The following PHOSPHO2 variants were observed in gnomAD, a reference collection of about 807,000 sequenced individuals.
PHOSPHO2 encodes pyridoxal phosphate phosphatase PHOSPHO2.
PHOSPHO2 carries 14 observed loss-of-function variants against 16.4 expected under a neutral mutation model. The observed-to-expected ratio is 0.85, with a 90% CI of 0.56 to 1.33. The LOEUF (loss-of-function observed/expected upper bound fraction) is 1.33. Ranked by LOEUF, PHOSPHO2 falls within the 40% of genes most tolerant of loss-of-function variation. The probability of loss-of-function intolerance (pLI) is 0.00; values close to 1 mark genes in which losing one functional copy is unlikely to be tolerated. For missense variants in PHOSPHO2, 246 were observed against 282.5 expected (o/e 0.87, Z 0.93); for synonymous variants, 85 against 90.5 (o/e 0.94, Z 0.34).
Position 169,701,603 on chromosome 2 carries a change from T to C in PHOSPHO2, c.632T>C (p.Met211Thr), listed in dbSNP as rs1429680463. The change falls in exon 4 of 4, where the codon ATG (methionine) becomes ACG (threonine). Residue 211 changes from methionine (M) to threonine (T), a missense_variant. Coordinates refer to ENST00000359744, the MANE Select transcript of PHOSPHO2 (RefSeq NM_001008489.4). ...ACCTTACAGAAAACTCTTTCCAGAA[T>C]GTCTCAAAATCTTGAGCCTATGGAA... ...GYTLQKTLSRMSQNLEPMEYS... is the reference protein window; with the variant it reads ...GYTLQKTLSRTSQNLEPMEYS... 6.2e-7 allele frequency: 1 copy of C among 1,608,350 alleles called. No homozygotes were observed. Among genetic ancestry groups the C allele is most frequent in the Non-Finnish European group, 8.5e-7 (1 of 1,179,620 alleles).
intron 2 of PHOSPHO2, among the ~76,000 whole-genome samples, chr2:169,696,505 C>T (rs1687542462): frequency 6.6e-6 from 1 of 152,210 alleles, no homozygotes; most frequent in Non-Finnish European, 1.5e-5. Flanking sequence ...TTTGCTATCA[C>T]ATGCATATCT....
In PHOSPHO2 at chr2:169,697,467, A is replaced by T. The variant is rs924446405; in HGVS notation, c.-91A>T. 6.6e-5 allele frequency: 10 copies of T among 152,176 alleles called. No homozygotes were observed. Among genetic ancestry groups the T allele is most frequent in the South Asian group, 2.1e-4 (1 of 4,826 alleles). The allele number at this position is 152,176 out of a possible 1,614,324, so 9.4% of individuals were successfully genotyped here. A position where few individuals can be genotyped will look rare whatever the true frequency, so the allele number is the denominator to read the frequency against. On this transcript the variant is annotated 5_prime_UTR_variant, in exon 3 of 4. Transcript: ENST00000359744. ...AACTGGCTGATGTTTAAAACTGAAG[A>T]TTGTCATGATTGTTTATCCTAATCC... is the stretch of plus-strand genomic sequence containing the variant.
chr2:169,695,189 C>A (rs1190548779), intron 1 of PHOSPHO2, 26 bp from the exon 2 acceptor site: 2 of 152,202 alleles, frequency 1.3e-5, no homozygotes, highest in African/African-American at 4.8e-5. Context: ...AATGTTCTAA[C>A]ACATAGTCGT....
chr2:169,701,579 C>T lies in PHOSPHO2; in HGVS notation c.608C>T (p.Thr203Ile), dbSNP rs1396883929. Reference sequence around the variant, plus strand: ...GTTGCCATGCCACGGAAAGGATATACCTTACAGAAAACTCTTTCCAGAATG... The same window carrying T: ...GTTGCCATGCCACGGAAAGGATATATCTTACAGAAAACTCTTTCCAGAATG... ...DDVAMPRKGYTLQKTLSRMSQ... is the reference protein window; with the variant it reads ...DDVAMPRKGYILQKTLSRMSQ... The change falls in exon 4 of 4, where the codon ACC becomes ATC. Residue 203 changes from threonine (T) to isoleucine (I), a missense_variant. Thr to Ile is a moderately conservative substitution (Grantham distance 89). Coordinates refer to ENST00000359744, the MANE Select transcript of PHOSPHO2 (RefSeq NM_001008489.4). 6.2e-7 allele frequency: 1 copy of T among 1,611,606 alleles called. No individual in the cohort carries two copies. Among genetic ancestry groups the T allele is most frequent in the African/African-American group, 1.3e-5 (1 of 74,876 alleles).
At chr2:169,694,653 G>A (rs892079423) in intron 1 of PHOSPHO2, 31 bp downstream of exon 1, 5 of 454,604 alleles carry the variant, frequency 1.1e-5, no homozygotes, top group Non-Finnish European at 2.0e-5. Flanking sequence ...CCCCCGCCCT[G>A]CCTGCTACTC....
Position 169,701,159 on chromosome 2 carries a change from A to G in PHOSPHO2, c.188A>G (p.His63Arg). Reference protein sequence around the residue: ...KYLGDKGVREHEMKRAVTSLP... With the variant: ...KYLGDKGVREREMKRAVTSLP... ...TTGGGAGATAAGGGTGTAAGAGAAC[A>G]TGAAATGAAAAGAGCAGTGACATCA... The change falls in exon 4 of 4, where the codon CAT becomes CGT. Residue 63 changes from histidine to arginine, a missense_variant. His to Arg is a conservative substitution (Grantham distance 29). Transcript: ENST00000359744. 1 of 1,614,076 alleles carries G rather than the reference A, an allele frequency of 6.2e-7. No homozygotes were observed. Among genetic ancestry groups the G allele is most frequent in the Non-Finnish European group, 8.5e-7 (1 of 1,179,970 alleles).
intron 3 of PHOSPHO2, among the ~76,000 whole-genome samples, chr2:169,699,794 T>A (rs1431366948): frequency 1.3e-5 from 2 of 152,244 alleles, no homozygotes; most frequent in African/African-American, 4.8e-5. Context: ...GTTGAGCTTT[T>A]TTTTCATATA....
Position 169,701,007 on chromosome 2 carries a change from A to C in PHOSPHO2, c.36A>C (p.Thr12=), listed in dbSNP as rs1178822231. 6.2e-6 allele frequency: 10 copies of C among 1,605,996 alleles called. No individual in the cohort carries two copies. Among genetic ancestry groups the C allele is most frequent in the African/African-American group, 1.3e-5 (1 of 74,642 alleles). ...TGCTAGTTTTTGACTTTGACAATAC[A>C]ATCATAGATGACAATAGTGACACTT... ...KILLVFDFDN[T]IIDDNSDTWI... The change falls in exon 4 of 4, where the codon ACA becomes ACC. Residue 12 remains threonine, a synonymous_variant. Coordinates refer to ENST00000359744, the MANE Select transcript of PHOSPHO2 (RefSeq NM_001008489.4).
intron 2 of PHOSPHO2, among the ~76,000 whole-genome samples, chr2:169,696,178 G>A (rs1372695458): frequency 6.6e-6 from 1 of 152,126 alleles, no homozygotes; most frequent in Non-Finnish European, 1.5e-5. Flanking sequence ...CCAACCTGTG[G>A]ATTGTCACAA....
intron 2 of PHOSPHO2, among the ~76,000 whole-genome samples, chr2:169,696,254 T>G (rs1302063562): frequency 6.6e-6 from 1 of 152,190 alleles, no homozygotes; most frequent in African/African-American, 2.4e-5. Flanking sequence ...GTGAATTTAA[T>G]AAGGTAGCAT....
chr2:169,700,394 T>TCA (rs71006025), intron 3 of PHOSPHO2, among the ~76,000 whole-genome samples: 61,742 of 151,752 alleles, frequency 0.41, 12,824 homozygotes, highest in Non-Finnish European at 0.44. Context: ...GGGTCCAGTT[T>TCA]GTTTTCTGCA....
At chr2:169,694,754 G>C (rs964217112) in intron 1 of PHOSPHO2, 132 bp downstream of exon 1, 10 of 291,124 alleles carry the variant, frequency 3.4e-5, no homozygotes, top group Non-Finnish European at 6.2e-5. Context: ...GTGTGAGCGC[G>C]CGAGGCCTAG....
chr2:169,695,632 C>T (rs911655972), intron 2 of PHOSPHO2, among the ~76,000 whole-genome samples: 3 of 129,424 alleles, frequency 2.3e-5, no homozygotes, highest in Admixed American at 7.2e-5. Flanking sequence ...AGCGAGACTC[C>T]GTCTCAAAAA....
At chr2:169,696,813 C>G (rs961750463) in intron 2 of PHOSPHO2, among the ~76,000 whole-genome samples, 1 of 152,108 alleles carries the variant, frequency 6.6e-6, no homozygotes, top group Non-Finnish European at 1.5e-5. Context: ...TATTATTAAA[C>G]AAGTACAAAG....
rs1434602786 is a variant in PHOSPHO2, at chr2:169,701,502, T to C, written c.531T>C (p.Ile177=). 5.0e-6 allele frequency: 8 copies of C among 1,613,130 alleles called. No homozygotes were observed. Among genetic ancestry groups the C allele is most frequent in the Non-Finnish European group, 6.8e-6 (8 of 1,179,800 alleles). ...TGAATTATACACAAATTGTTTATAT[T>C]GGTGATGGTGGAAATGATGTCTGTC... ...QGVNYTQIVY[I]GDGGNDVCPV... Residue 177 remains isoleucine (I), a synonymous_variant, in exon 4 of 4, where the codon ATT becomes ATC. Transcript: ENST00000359744.
In PHOSPHO2 at chr2:169,701,167, A is replaced by G; in HGVS notation, c.196A>G (p.Lys66Glu). The G allele has an allele frequency of 3.7e-6, 6 of 1,614,066 alleles. No homozygotes were observed. Among genetic ancestry groups the G allele is most frequent in the Non-Finnish European group, 5.1e-6 (6 of 1,179,980 alleles). The change falls in exon 4 of 4, where the codon AAA (lysine) becomes GAA (glutamate). Residue 66 changes from lysine to glutamate, a missense_variant. Physicochemically the swap from Lys to Glu is moderately conservative, Grantham distance 56. Coordinates refer to ENST00000359744, the MANE Select transcript of PHOSPHO2 (RefSeq NM_001008489.4). ...GDKGVREHEM[K>E]RAVTSLPFTP... ...TAAGGGTGTAAGAGAACATGAAATGAAAAGAGCAGTGACATCATTGCCTTT... is the reference window on the plus strand; with the variant it reads ...TAAGGGTGTAAGAGAACATGAAATGGAAAGAGCAGTGACATCATTGCCTTT...
intron 3 of PHOSPHO2, among the ~76,000 whole-genome samples, chr2:169,699,698 T>G (rs1687676843): frequency 6.6e-6 from 1 of 152,204 alleles, no homozygotes; most frequent in African/African-American, 2.4e-5. Flanking sequence ...CTGTTATTTT[T>G]TGGCTTTTTA....
chr2:169,700,967 G>A lies in PHOSPHO2; in HGVS notation c.-5G>A, dbSNP rs1687732404. 6 of 1,583,286 alleles carry A rather than the reference G, an allele frequency of 3.8e-6. No individual in the cohort carries two copies. In the South Asian group the frequency reaches 7.0e-5, roughly 18 times the overall value. On this transcript the variant is annotated 5_prime_UTR_variant, in exon 4 of 4. Transcript: ENST00000359744. ...TCAGGGTAATCCAAATCTATTTCTG[G>A]AACCATGAAAATTTTGCTAGTTTTT...
intron 2 of PHOSPHO2, among the ~76,000 whole-genome samples, chr2:169,696,522 A>G (rs1330335407): frequency 1.3e-5 from 2 of 152,170 alleles, no homozygotes; most frequent in Non-Finnish European, 2.9e-5. Context: ...ATCTTACTTA[A>G]TTATTTCCCA....
Sources: allele counts gnomAD v4.1 joint callset (sites outside exome capture counted in the v4.1 genomes callset), GRCh38; gene constraint gnomAD v4.1.1; transcripts MANE v1.5; gene names NCBI Gene and HGNC (gene_info 2026-07-23, HGNC 2026-07-21).